POU6F2: variants seen among roughly 807,000 people sequenced by gnomAD.
The protein encoded by POU6F2 is POU domain, class 6, transcription factor 2.
In POU6F2, 31 loss-of-function variants were observed where a neutral mutation model predicts 71.3. The observed-to-expected ratio is 0.43, with a 90% confidence interval of 0.33 to 0.59. POU6F2 has a LOEUF of 0.59. Ranked by LOEUF, POU6F2 falls within the 20% of genes least tolerant of loss-of-function variation. The pLI is 0.04. For missense variants in POU6F2, 783 were observed against 856.8 expected (o/e 0.91, Z 1.07); for synonymous variants, 347 against 355.7 (o/e 0.98, Z 0.27).
At chr7:39,355,975 A>G (rs1163181446) in intron 5 of POU6F2, among the ~76,000 whole-genome samples, 1 of 152,164 alleles carries the variant, frequency 6.6e-6, no homozygotes, top group East Asian at 1.9e-4. Flanking sequence ...GTCGAAGGCC[A>G]GGTCCACAGG....
intron 1 of POU6F2, among the ~76,000 whole-genome samples, chr7:39,014,023 A>G (rs943202323): frequency 1.3e-5 from 2 of 152,210 alleles, no homozygotes; most frequent in Admixed American, 1.3e-4. Context: ...AAGAAAAACC[A>G]TAGGCTTATA....
intron 1 of POU6F2, 191 bp from the exon 2 acceptor site, chr7:39,085,669 T>C (rs1791223878): frequency 1.7e-6 from 1 of 571,666 alleles, no homozygotes. Flanking sequence ...ACTCATCGGA[T>C]CTGTAATAGC....
At chr7:39,117,863 CAG>C (rs1481944670) in intron 2 of POU6F2, among the ~76,000 whole-genome samples, 2 of 152,140 alleles carry the variant, frequency 1.3e-5, no homozygotes, top group Admixed American at 1.3e-4. Context: ...GAGATTGAAA[CAG>C]AGAGGTTCCA....
chr7:39,085,645 G>C (rs1791223166), intron 1 of POU6F2: 1 of 501,274 alleles, frequency 2.0e-6, no homozygotes, highest in South Asian at 3.6e-5. Context: ...TAATAGGGTG[G>C]GGAGTAATGG....
At position 39,131,345 on chromosome 7, in the gene POU6F2, A is replaced by T. The variant is rs577723763; in HGVS notation, c.277+45314A>T. On this transcript the variant is annotated intron_variant, in intron 2 of 9. Transcript: ENST00000518318. ...TTTTACATTACCATTGCATAATCAT[A>T]TTTGACGAATAATTAACCTGGGTTA... is the stretch of plus-strand genomic sequence containing the variant. 9.9e-5 allele frequency among the ~76,000 whole-genome samples: 15 copies of T among 152,232 alleles called. No homozygotes were observed. The South Asian group carries it at 1.9e-3, about 19-fold the overall frequency.
chr7:39,464,558 GTAGT>G lies in POU6F2; in HGVS notation c.2039_2042del (p.Val680GlufsTer11), dbSNP rs1789024856. ...TGAGAAGCTGAACTATGACCGAGAA[GTAGT>G]TAGAGTTTGGTTCTGCAATAAGAGG... On this transcript the variant is annotated frameshift_variant, in exon 10 of 10. Transcript: ENST00000518318. LOFTEE classifies it high-confidence loss of function. This position sits in a 1 kb window ranked among gnomAD's most constrained non-coding sequence, Gnocchi z 4.1. 6.2e-7 allele frequency: 1 copy of G among 1,613,074 alleles called. No individual in the cohort carries two copies. Among genetic ancestry groups the G allele is most frequent in the Non-Finnish European group, 8.5e-7 (1 of 1,179,508 alleles).
chr7:39,027,361 T>C (rs974229201), intron 1 of POU6F2, among the ~76,000 whole-genome samples: 23 of 152,134 alleles, frequency 1.5e-4, no homozygotes, highest in Non-Finnish European at 2.4e-4. Context: ...ATCACACTGA[T>C]GTTATGCGGT....
chr7:39,419,592 TG>T (rs1787803430), intron 6 of POU6F2, among the ~76,000 whole-genome samples: 1 of 152,112 alleles, frequency 6.6e-6, no homozygotes, highest in African/African-American at 2.4e-5. Context: ...TGCTTTTAAG[TG>T]GGTCATCCAG....
intron 5 of POU6F2, among the ~76,000 whole-genome samples, chr7:39,367,565 C>CA (rs1786527246): frequency 6.6e-6 from 1 of 152,190 alleles, no homozygotes; most frequent in Non-Finnish European, 1.5e-5. Context: ...CCTTCTTAAA[C>CA]AGAGTATCAT....
chr7:39,130,854 G>C (rs1460837194), intron 2 of POU6F2, among the ~76,000 whole-genome samples: 1 of 152,216 alleles, frequency 6.6e-6, no homozygotes, highest in Non-Finnish European at 1.5e-5. Flanking sequence ...GGGTACACTT[G>C]GGATTTGGCC....
chr7:39,063,300 A>C (rs1451507820), intron 1 of POU6F2, among the ~76,000 whole-genome samples: 1 of 152,170 alleles, frequency 6.6e-6, no homozygotes, highest in Admixed American at 6.6e-5. Flanking sequence ...CTTGAGCCTG[A>C]GAGTTCGAGA....
intron 5 of POU6F2, among the ~76,000 whole-genome samples, chr7:39,363,932 G>A (rs1786445699): frequency 6.6e-6 from 1 of 152,134 alleles, no homozygotes; most frequent in Non-Finnish European, 1.5e-5. Context: ...TTCTTTTCTG[G>A]CATTTTTCTC....
intron 4 of POU6F2, among the ~76,000 whole-genome samples, chr7:39,241,841 T>TA (rs1355223015): frequency 6.6e-6 from 1 of 152,156 alleles, no homozygotes; most frequent in Non-Finnish European, 1.5e-5. Context: ...GTAACTGTGA[T>TA]ACAAGATAGA....
intron 2 of POU6F2, among the ~76,000 whole-genome samples, chr7:39,109,906 G>C (rs1260200265): frequency 1.3e-5 from 2 of 152,188 alleles, no homozygotes; most frequent in Admixed American, 6.5e-5. Context: ...ATGCTGGCTT[G>C]TGAGAGATAA....
At chr7:39,305,354 T>C (rs966335923) in intron 4 of POU6F2, among the ~76,000 whole-genome samples, 3 of 152,268 alleles carry the variant, frequency 2.0e-5, no homozygotes, top group African/African-American at 7.2e-5. Context: ...TCCTATCTTG[T>C]TGTTTTCTAA....
chr7:39,309,382 G>A (rs114027902), intron 4 of POU6F2, among the ~76,000 whole-genome samples: 1 of 152,184 alleles, frequency 6.6e-6, no homozygotes, highest in Non-Finnish European at 1.5e-5. Flanking sequence ...ATTCAGTAGA[G>A]AAGAGGCAGG....
At chr7:39,268,999 T>G (rs1341729407) in intron 4 of POU6F2, among the ~76,000 whole-genome samples, 1 of 152,222 alleles carries the variant, frequency 6.6e-6, no homozygotes, top group Non-Finnish European at 1.5e-5. Context: ...CACTACATCT[T>G]TCAGCATAGC....
intron 4 of POU6F2, among the ~76,000 whole-genome samples, chr7:39,282,667 C>T (rs550487762): frequency 1.8e-4 from 27 of 152,152 alleles, no homozygotes; most frequent in African/African-American, 6.5e-4. Context: ...AAGTACCATG[C>T]TGTTTTGGTT....
chr7:39,305,659 G>T (rs1402181658), intron 4 of POU6F2, among the ~76,000 whole-genome samples: 2 of 152,180 alleles, frequency 1.3e-5, no homozygotes, highest in Non-Finnish European at 2.9e-5. Flanking sequence ...TTCTGTAGAG[G>T]CTTTTCCCCT....
Sources: gnomAD v4.1 joint callset for allele counts (sites outside exome capture counted in the v4.1 genomes callset) on GRCh38, gnomAD v4.1.1 for gene constraint, Gnocchi (gnomAD v3.1) non-coding constraint, MANE v1.5 for transcripts, NCBI Gene and HGNC (gene_info 2026-07-23, HGNC 2026-07-21) for gene names.